The following LAMA2 variants were observed in gnomAD, a reference collection of about 807,000 sequenced individuals.
LAMA2 encodes laminin subunit alpha 2, also known as laminin subunit alpha-2.
A neutral mutation model predicts 364.8 loss-of-function variants in LAMA2; 269 were observed. The observed-to-expected ratio is 0.74, with a 90% CI of 0.67 to 0.82. The LOEUF (loss-of-function observed/expected upper bound fraction) is 0.82. Among genes scored for constraint, LAMA2 ranks in the 40% least tolerant of loss-of-function variants. LAMA2 has a pLI of 0.00. For missense variants in LAMA2, 3,807 were observed against 3,873.2 expected (o/e 0.98, Z 0.45); for synonymous variants, 1,379 against 1,370.6 (o/e 1.01, Z -0.14).
intron 29 of LAMA2, among the ~76,000 whole-genome samples, chr6:129,339,419 C>T (rs186483056): frequency 1.8e-4 from 27 of 152,246 alleles, no homozygotes; most frequent in Middle Eastern, 3.4e-3. Flanking sequence ...AAATTTAAGA[C>T]GCTTCTGTGT....
chr6:129,150,009 T>C (rs953634353), intron 7 of LAMA2, among the ~76,000 whole-genome samples: 1 of 152,164 alleles, frequency 6.6e-6, no homozygotes, highest in Non-Finnish European at 1.5e-5. Context: ...GAGGGATGGC[T>C]GTATTTTCTT....
intron 34 of LAMA2, 43 bp downstream of exon 34, chr6:129,370,033 A>G (rs1370835665): frequency 5.3e-6 from 8 of 1,499,054 alleles, no homozygotes; most frequent in Non-Finnish European, 6.5e-6. Context: ...CAGATAGATT[A>G]TGTCAATGAA....
At chr6:128,898,387 C>T (rs1776893593) in intron 1 of LAMA2, among the ~76,000 whole-genome samples, 1 of 152,176 alleles carries the variant, frequency 6.6e-6, no homozygotes, top group Non-Finnish European at 1.5e-5. Context: ...TTCCCATCAG[C>T]TTTTCCCAAC....
At chr6:129,437,139 A>T (rs1287596427) in intron 41 of LAMA2, among the ~76,000 whole-genome samples, 4 of 152,122 alleles carry the variant, frequency 2.6e-5, no homozygotes, top group Non-Finnish European at 5.9e-5. Flanking sequence ...AGTTTTGACT[A>T]TCAATCCTTG....
intron 32 of LAMA2, among the ~76,000 whole-genome samples, chr6:129,358,865 G>A (rs1428920459): frequency 6.6e-6 from 1 of 151,896 alleles, no homozygotes; most frequent in African/African-American, 2.4e-5. Context: ...CTGACTTTCA[G>A]TTTCCTGTTA....
At chr6:129,342,509 C>T (rs780718912) in intron 30 of LAMA2, 42 bp downstream of exon 30, 1 of 1,602,904 alleles carries the variant, frequency 6.2e-7, no homozygotes, top group Admixed American at 1.7e-5. Flanking sequence ...ATCAGAAACG[C>T]CATCTGTCTA....
chr6:128,955,920 A>T (rs1781115690), intron 1 of LAMA2, among the ~76,000 whole-genome samples: 1 of 151,990 alleles, frequency 6.6e-6, no homozygotes, highest in East Asian at 1.9e-4. Context: ...AATAGACTAT[A>T]GTATGCAAAA....
intron 55 of LAMA2, among the ~76,000 whole-genome samples, chr6:129,484,144 C>G (rs1022229725): frequency 3.9e-5 from 6 of 152,090 alleles, no homozygotes; most frequent in Non-Finnish European, 8.8e-5. Flanking sequence ...AAAACACAAG[C>G]CTCAGTCTGG....
chr6:129,010,743 A>G (rs1222767083), intron 1 of LAMA2, among the ~76,000 whole-genome samples: 3 of 152,212 alleles, frequency 2.0e-5, no homozygotes, highest in Non-Finnish European at 2.9e-5. Context: ...TATCACTCCT[A>G]CTTGTCCAAA....
intron 3 of LAMA2, among the ~76,000 whole-genome samples, chr6:129,088,034 A>G (rs866579845): frequency 2.9e-4 from 26 of 88,638 alleles, no homozygotes; most frequent in African/African-American, 8.4e-4. Flanking sequence ...TAGGCAGAGG[A>G]CCCTGCGGCC....
chr6:129,374,159 T>C (rs1778240155), intron 34 of LAMA2, among the ~76,000 whole-genome samples: 1 of 152,196 alleles, frequency 6.6e-6, no homozygotes, highest in Admixed American at 6.5e-5. Context: ...ATTCTCTCTT[T>C]CCCTGTGGTC....
At chr6:129,377,801 C>T (rs1211954668) in intron 34 of LAMA2, among the ~76,000 whole-genome samples, 4 of 152,068 alleles carry the variant, frequency 2.6e-5, no homozygotes, top group Admixed American at 2.6e-4. Flanking sequence ...TCATATCCAA[C>T]CAAGAAAATT....
intron 29 of LAMA2, among the ~76,000 whole-genome samples, chr6:129,330,633 C>G (rs1468854402): frequency 1.6e-5 from 2 of 125,462 alleles, no homozygotes; most frequent in Admixed American, 1.9e-4. Flanking sequence ...TGTCGTTTCT[C>G]TCTAGTTCAC....
At chr6:129,184,909 C>A (rs1309849702) in intron 10 of LAMA2, among the ~76,000 whole-genome samples, 1 of 151,928 alleles carries the variant, frequency 6.6e-6, no homozygotes, top group Non-Finnish European at 1.5e-5. Flanking sequence ...CCCTCCCTAA[C>A]CCATCAACTA....
intron 1 of LAMA2, among the ~76,000 whole-genome samples, chr6:129,046,445 A>G (rs2114765438): frequency 6.6e-6 from 1 of 152,252 alleles, no homozygotes; most frequent in East Asian, 1.9e-4. Flanking sequence ...GTGCAGGGGA[A>G]CTGCACTTTA....
At chr6:129,471,789 A>G (rs375521916) in intron 51 of LAMA2, among the ~76,000 whole-genome samples, 1 of 152,084 alleles carries the variant, frequency 6.6e-6, no homozygotes, top group African/African-American at 2.4e-5. Flanking sequence ...TAATAGGACA[A>G]TTATTCTTTT....
At chr6:129,361,352 C>T (rs1440434641) in intron 32 of LAMA2, among the ~76,000 whole-genome samples, 3 of 152,208 alleles carry the variant, frequency 2.0e-5, no homozygotes, top group African/African-American at 7.2e-5. Flanking sequence ...TGATCTGAAT[C>T]ACATGTGCAA....
At chr6:129,075,004 C>T (rs1773537442) in intron 3 of LAMA2, among the ~76,000 whole-genome samples, 1 of 151,880 alleles carries the variant, frequency 6.6e-6, no homozygotes, top group Non-Finnish European at 1.5e-5. Flanking sequence ...GTAGGTCTGT[C>T]CATGAAGGAG....
At chr6:128,992,264 G>A (rs542733326) in intron 1 of LAMA2, among the ~76,000 whole-genome samples, 1 of 152,228 alleles carries the variant, frequency 6.6e-6, no homozygotes, top group East Asian at 1.9e-4. Context: ...CCACTAATCG[G>A]CACCTTATAT....
Sources: gnomAD v4.1 joint callset for allele counts (sites outside exome capture counted in the v4.1 genomes callset) on GRCh38, gnomAD v4.1.1 for gene constraint, MANE v1.5 for transcripts, NCBI Gene and HGNC (gene_info 2026-07-23, HGNC 2026-07-21) for gene names.